INO80D: variants seen among roughly 807,000 people sequenced by gnomAD.
INO80D encodes the protein INO80 complex subunit D.
In INO80D, 21 loss-of-function variants were observed where a neutral mutation model predicts 87.6. That is an observed-to-expected ratio of 0.24 (90% CI 0.17 to 0.35). INO80D has a LOEUF of 0.35. INO80D is among the 10% of genes least tolerant of loss of function. INO80D has a pLI of 1.00. For missense variants in INO80D, 982 were observed against 1,280.7 expected (o/e 0.77, Z 3.56); for synonymous variants, 440 against 491.0 (o/e 0.90, Z 1.37).
chr2:206,079,183 T>A (rs1249933062), intron 1 of INO80D, among the ~76,000 whole-genome samples: 1 of 151,978 alleles, frequency 6.6e-6, no homozygotes, highest in East Asian at 1.9e-4. Context: ...AGCGATCCTC[T>A]CACCTCAGCC....
intron 1 of INO80D, among the ~76,000 whole-genome samples, chr2:206,069,931 C>T (rs997893236): frequency 1.1e-4 from 16 of 152,070 alleles, no homozygotes; most frequent in African/African-American, 2.9e-4. Context: ...CTTTCTTTCC[C>T]CGAAAAGAGC....
intron 1 of INO80D, among the ~76,000 whole-genome samples, chr2:206,076,745 G>A (rs1279774927): frequency 1.3e-5 from 2 of 152,174 alleles, no homozygotes; most frequent in Non-Finnish European, 2.9e-5. Context: ...GAAAGGTAAG[G>A]ATAGTTTATG....
Position 205,996,826 on chromosome 2 carries a change from C to A in INO80D, c.*7542G>T, listed in dbSNP as rs1369436671. 2.6e-5 allele frequency: 4 copies of A among 151,968 alleles called. No individual in the cohort carries two copies. The highest frequency in any genetic ancestry group is 2.6e-4 in the Admixed American group (4 of 15,250). 9.4% of individuals were successfully genotyped at this position (151,968 alleles called of 1,614,324 possible). A position where few individuals can be genotyped will look rare whatever the true frequency, so the allele number is the denominator to read the frequency against. ...ACCGGGAGAATTTTTTCTAGCAAATCCCATTAACCAGCAACTGAAGGGAGA... is the reference window on the plus strand; with the variant it reads ...ACCGGGAGAATTTTTTCTAGCAAATACCATTAACCAGCAACTGAAGGGAGA... On this transcript the variant is annotated 3_prime_UTR_variant, in exon 11 of 11. Transcript: ENST00000403263.
intron 1 of INO80D, 176 bp from the exon 2 acceptor site, chr2:206,063,420 G>A: frequency 4.4e-6 from 1 of 225,092 alleles, no homozygotes; most frequent in Non-Finnish European, 8.5e-6. Flanking sequence ...CATTAAGTTG[G>A]CTGGGCGCCG....
chr2:206,014,765 G>A lies in INO80D; in HGVS notation c.1542+2915C>T, dbSNP rs539785604. On this transcript the variant is annotated intron_variant, in intron 8 of 10. Transcript: ENST00000403263. ...TACCCAAAAATGTGGAACCAACTTT[G>A]GAGCTGGGTAACAGGCAGAGGCTGG... 5.9e-5 allele frequency among the ~76,000 whole-genome samples: 9 copies of A among 152,248 alleles called. No individual in the cohort carries two copies. The South Asian group carries it at 1.0e-3, about 18-fold the overall frequency.
intron 1 of INO80D, among the ~76,000 whole-genome samples, chr2:206,065,319 A>C (rs1357420807): frequency 6.6e-6 from 1 of 152,036 alleles, no homozygotes; most frequent in African/African-American, 2.4e-5. Flanking sequence ...AAAATACAAA[A>C]ATCAGCTAGG....
intron 4 of INO80D, among the ~76,000 whole-genome samples, chr2:206,049,842 A>T (rs1394947171): frequency 6.6e-6 from 1 of 152,234 alleles, no homozygotes; most frequent in African/African-American, 2.4e-5. Flanking sequence ...TAAAAAATTT[A>T]AAAGGGCGTC....
chr2:206,078,874 C>T lies in INO80D; in HGVS notation c.-124+7027G>A, dbSNP rs183931627. 4.9e-3 allele frequency among the ~76,000 whole-genome samples: 750 copies of T among 152,092 alleles called. 4 individuals carry two copies. The highest frequency in any genetic ancestry group is 7.1e-3 in the Admixed American group (109 of 15,278). The stretch of plus-strand genomic sequence containing the variant: ...CAGAGAATTGCTTGAACCTGGGAGG[C>T]AGAGATTGCAGTGAGCCAATCGCAC... On this transcript the variant is annotated intron_variant, in intron 1 of 10. Coordinates refer to ENST00000403263, the MANE Select transcript of INO80D (RefSeq NM_017759.5).
intron 8 of INO80D, among the ~76,000 whole-genome samples, chr2:206,015,079 C>G (rs912891760): frequency 2.6e-5 from 4 of 152,138 alleles, no homozygotes; most frequent in African/African-American, 9.7e-5. Context: ...AATTTCTAAG[C>G]AGCAAAGCAT....
At chr2:206,068,885 G>A (rs1689887935) in intron 1 of INO80D, among the ~76,000 whole-genome samples, 1 of 151,942 alleles carries the variant, frequency 6.6e-6, no homozygotes, top group South Asian at 2.1e-4. Context: ...ATTTTTTGTA[G>A]AGACGAGGTT....
At chr2:206,050,487 G>T (rs1689323968) in intron 4 of INO80D, among the ~76,000 whole-genome samples, 1 of 103,768 alleles carries the variant, frequency 9.6e-6, no homozygotes, top group Non-Finnish European at 1.8e-5. Flanking sequence ...GCAGGACTCC[G>T]TCTCAAAAGA....
chr2:206,064,814 T>A (rs547575536), intron 1 of INO80D, among the ~76,000 whole-genome samples: 86 of 136,860 alleles, frequency 6.3e-4, no homozygotes, highest in African/African-American at 2.1e-3. Flanking sequence ...CTTACTGTAG[T>A]AGGAAAAAAA....
rs1425951951 is a variant in INO80D, at chr2:205,999,006, T to C, written c.*5362A>G. The C allele has an allele frequency of 6.6e-6, 1 of 152,168 alleles. No homozygotes were observed. Among genetic ancestry groups the C allele is most frequent in the African/African-American group, 2.4e-5 (1 of 41,430 alleles). 9.4% of individuals were successfully genotyped at this position (152,168 alleles called of 1,614,324 possible). A position where few individuals can be genotyped will look rare whatever the true frequency, so the allele number is the denominator to read the frequency against. On this transcript the variant is annotated 3_prime_UTR_variant, in exon 11 of 11. Transcript: ENST00000403263. The stretch of plus-strand genomic sequence containing the variant: ...TCAGCACTAATCCACTGGAGCCAAC[T>C]GTACCTTAATGATGCAGGTTGGAGT...
In INO80D at chr2:206,062,983, C is replaced by T; in HGVS notation, c.34G>A (p.Val12Ile). Residue 12 changes from valine to isoleucine, a missense_variant, in exon 3 of 11, where the codon GTT becomes ATT. Physicochemically the swap from Val to Ile is conservative, Grantham distance 29. Transcript: ENST00000403263. The surrounding 1 kb of genome is among the most constrained non-coding windows in gnomAD (Gnocchi z 4.6). Reference protein sequence around the residue: ...YEGKHIHFSEVDNKPLCSYSP... With the variant: ...YEGKHIHFSEIDNKPLCSYSP... ...TATGAGCACAAGGGCTTATTGTCAA[C>T]CTCAGAGAAGTGTATATGTTTCCCT... 1 of 1,612,688 alleles carries T rather than the reference C, an allele frequency of 6.2e-7. No individual in the cohort carries two copies. Among genetic ancestry groups the T allele is most frequent in the Non-Finnish European group, 8.5e-7 (1 of 1,179,572 alleles).
intron 5 of INO80D, among the ~76,000 whole-genome samples, chr2:206,032,438 G>C (rs978125647): frequency 1.3e-5 from 2 of 152,184 alleles, no homozygotes; most frequent in Non-Finnish European, 2.9e-5. Context: ...GACAACCTGT[G>C]TGATTCAGCA....
At chr2:206,061,836 T>C (rs796585087) in intron 3 of INO80D, among the ~76,000 whole-genome samples, 2 of 152,202 alleles carry the variant, frequency 1.3e-5, no homozygotes, top group African/African-American at 4.8e-5. Context: ...GAAACATGGA[T>C]GAAGGTTGTG....
Position 206,010,805 on chromosome 2 carries a change from G to A in INO80D, c.1543-1011C>T, listed in dbSNP as rs543181436. 1.1e-3 allele frequency among the ~76,000 whole-genome samples: 169 copies of A among 152,216 alleles called. No individual in the cohort carries two copies. The Middle Eastern group carries it at 0.017, about 15-fold the overall frequency. ...AAAAAGAGGCTACCTCTGGCCAGAC[G>A]CAGTGGCTCACACCTGTAATCCCAG... On this transcript the variant is annotated intron_variant, in intron 8 of 10. Coordinates refer to ENST00000403263, the MANE Select transcript of INO80D (RefSeq NM_017759.5).
rs1420910789 is a variant in INO80D, at chr2:205,996,121, TTC to T, written c.*8245_*8246del. 6.6e-6 allele frequency: 1 copy of T among 152,242 alleles called. No homozygotes were observed. The highest frequency in any genetic ancestry group is 1.9e-4 in the East Asian group (1 of 5,190). The allele number at this position is 152,242 out of a possible 1,614,324, so 9.4% of individuals were successfully genotyped here. A position where few individuals can be genotyped will look rare whatever the true frequency, so the allele number is the denominator to read the frequency against. ...AATTTGTTTTATTTGAAGGTTGGCTTTCTGTTTGTTTTTGAGACAAAGATGAA... is the reference window on the plus strand; with the variant it reads ...AATTTGTTTTATTTGAAGGTTGGCTTTGTTTGTTTTTGAGACAAAGATGAA... On this transcript the variant is annotated 3_prime_UTR_variant, in exon 11 of 11. Coordinates refer to ENST00000403263, the MANE Select transcript of INO80D (RefSeq NM_017759.5).
Position 206,004,389 on chromosome 2 carries a change from A to T in INO80D, c.3063T>A (p.Ser1021=), listed in dbSNP as rs538822504. Residue 1021 remains serine, a synonymous_variant, in exon 11 of 11, where the codon TCT becomes TCA. Coordinates refer to ENST00000403263, the MANE Select transcript of INO80D (RefSeq NM_017759.5). This position sits in a 1 kb window ranked among gnomAD's most constrained non-coding sequence, Gnocchi z 4.9. ...ATATSTNNAS[S]PFPSPN ...ACCCTCAGTTAGGGGAGGGAAAGGGAGAAGATGCATTATTGGTACTTGTAG... is the reference window on the plus strand; with the variant it reads ...ACCCTCAGTTAGGGGAGGGAAAGGGTGAAGATGCATTATTGGTACTTGTAG... 5 of 1,597,004 alleles carry T rather than the reference A, an allele frequency of 3.1e-6. No homozygotes were observed. The highest frequency in any genetic ancestry group is 2.7e-5 in the African/African-American group (2 of 74,638).
Sources: gnomAD v4.1 joint callset for allele counts (sites outside exome capture counted in the v4.1 genomes callset) on GRCh38, gnomAD v4.1.1 for gene constraint, Gnocchi (gnomAD v3.1) non-coding constraint, MANE v1.5 for transcripts, NCBI Gene and HGNC (gene_info 2026-07-23, HGNC 2026-07-21) for gene names.